Variants in EVPL observed in about 807,000 individuals in gnomAD.
EVPL encodes the protein 210 kDa cornified envelope precursor protein.
A neutral mutation model predicts 129.7 loss-of-function variants in EVPL; 94 were observed. The ratio of observed to expected loss-of-function variants is 0.72; its 90% CI spans 0.61 to 0.86. The LOEUF is 0.86. Among genes scored for constraint, EVPL ranks in the 40% least tolerant of loss-of-function variants. The probability of loss-of-function intolerance (pLI) is 0.00; values close to 1 mark genes in which losing one functional copy is unlikely to be tolerated. For synonymous variants in EVPL, 1,172 were observed against 1,191.1 expected, an observed-to-expected ratio of 0.98 and a Z score of 0.33; for missense variants, 2,625 against 2,721.1, an observed-to-expected ratio of 0.96 and a Z score of 0.79.
In EVPL at chr17:76,011,595, G is replaced by C; in HGVS notation, c.2642C>G (p.Ala881Gly). The change falls in exon 21 of 22, where the codon GCT (alanine) becomes GGT (glycine). Residue 881 changes from alanine to glycine, a missense_variant. Coordinates refer to ENST00000301607, the MANE Select transcript of EVPL (RefSeq NM_001988.4). ...GTGTACCTTCTCCAGCATTTTTCTA[G>C]CAAACTCCAGCTGCTGGAGCAGCTG... The part of the protein sequence containing the change: ...QQQLLQQLEF[A>G]RKMLEKKELS... 1 of 1,614,104 alleles carries C rather than the reference G, an allele frequency of 6.2e-7. No homozygotes were observed. Among genetic ancestry groups the C allele is most frequent in the South Asian group, 1.1e-5 (1 of 91,092 alleles).
rs1182080468 is a variant in EVPL at position 76,021,741 on chromosome 17, A to G, written c.848T>C (p.Val283Ala). Residue 283 changes from valine (V) to alanine (A), a missense_variant, in exon 8 of 22, where the codon GTG becomes GCG. By Grantham distance (64) the Val-to-Ala change is moderately conservative. This residue lies in a region of EVPL where 1,024 missense variants were observed against 997.5 expected (regional missense o/e 1.03). Transcript: ENST00000301607. ...CTCGCCGTCGTCCTCCAGCTGGTTCACGCTCTGCTCCTGGCTCAGCAGCTC... is the reference window on the plus strand; with the variant it reads ...CTCGCCGTCGTCCTCCAGCTGGTTCGCGCTCTGCTCCTGGCTCAGCAGCTC... ...QHELLSQEQSVNQLEDDGERM... is the reference protein window; with the variant it reads ...QHELLSQEQSANQLEDDGERM... The G allele has an allele frequency of 1.2e-6, 2 of 1,609,878 alleles. No individual in the cohort carries two copies. Among genetic ancestry groups the G allele is most frequent in the Non-Finnish European group, 8.5e-7 (1 of 1,179,446 alleles).
At chr17:76,015,428 G>C (rs774435404) in intron 15 of EVPL, 22 bp downstream of exon 15, 1 of 1,608,044 alleles carries the variant, frequency 6.2e-7, no homozygotes. Context: ...CTGCGTGGCT[G>C]CCCTGTCCCC....
intron 11 of EVPL, 148 bp downstream of exon 11, chr17:76,018,766 G>T: frequency 1.7e-6 from 2 of 1,200,670 alleles, no homozygotes; most frequent in Non-Finnish European, 2.3e-6. Flanking sequence ...AGGACTTGGA[G>T]AGAGGAGGGT....
Position 76,007,230 on chromosome 17 carries a change from C to T in EVPL, c.5975G>A (p.Ser1992Asn), listed in dbSNP as rs751653726. ...GCAGCGGCCCATGGCCTCCTTGTAGCTCAGCCGTTCCTTGGAGATGGGGTC... is the reference window on the plus strand; with the variant it reads ...GCAGCGGCCCATGGCCTCCTTGTAGTTCAGCCGTTCCTTGGAGATGGGGTC... The part of the protein sequence containing the change: ...LTDPISKERL[S>N]YKEAMGRCRK... The change falls in exon 22 of 22, where the codon AGC (serine) becomes AAC (asparagine). Residue 1992 changes from serine (S) to asparagine (N), a missense_variant. Physicochemically the swap from Ser to Asn is conservative, Grantham distance 46. Around this residue, in one of 4 missense-constraint regions of EVPL, gnomAD observed 1,453 missense variants for 1,511.8 expected, o/e 0.96. Transcript: ENST00000301607. The surrounding 1 kb of genome is among the most constrained non-coding windows in gnomAD (Gnocchi z 8.8). 6.4e-7 allele frequency: 1 copy of T among 1,567,848 alleles called. No individual in the cohort carries two copies.
Position 76,009,728 on chromosome 17 carries a change from G to T in EVPL, c.3477C>A (p.Leu1159=). The change falls in exon 22 of 22, where the codon CTC becomes CTA. Residue 1159 remains leucine (L), a synonymous_variant. Coordinates refer to ENST00000301607, the MANE Select transcript of EVPL (RefSeq NM_001988.4). The surrounding 1 kb of genome is among the most constrained non-coding windows in gnomAD (Gnocchi z 5.9). ...TCGCGTTCTTGGTCCTCTCCTCCTC[G>T]AGGAGGCTCCTCAGCCTGGAGGACT... ...LQESSRLRSL[L]EEERTKNATL... 1.2e-6 allele frequency: 2 copies of T among 1,613,516 alleles called. No individual in the cohort carries two copies. The highest frequency in any genetic ancestry group is 2.2e-5 in the East Asian group (1 of 44,862).
chr17:76,021,609 C>CCCGGG, intron 8 of EVPL, 46 bp from the exon 9 acceptor site: 3 of 1,283,894 alleles, frequency 2.3e-6, no homozygotes, highest in Non-Finnish European at 2.1e-6. Context: ...CCCCCCACGT[C>CCCGGG]CGCCCCACCT....
At chr17:76,011,153 C>G (rs987705222) in intron 21 of EVPL, among the ~76,000 whole-genome samples, 6 of 152,248 alleles carry the variant, frequency 3.9e-5, no homozygotes, top group South Asian at 2.1e-4. Context: ...ATCCAGGGAC[C>G]CTGACTGTGG....
rs1203993579 is a variant in EVPL at position 76,022,392 on chromosome 17, ACAT to A, written c.606+18_606+20del. On this transcript the variant is annotated intron_variant, in intron 5 of 21. Transcript: ENST00000301607. The surrounding 1 kb of genome is among the most constrained non-coding windows in gnomAD (Gnocchi z 5.6). The stretch of plus-strand genomic sequence containing the variant: ...CGGGCTGGGGCTGGCCCCGGATGTG[ACAT>A]CCTCCAGGCTCACCTACCGGCCCCA... The A allele has an allele frequency of 6.2e-7, 1 of 1,613,126 alleles. No homozygotes were observed. The highest frequency in any genetic ancestry group is 8.5e-7 in the Non-Finnish European group (1 of 1,179,816).
chr17:76,011,293 G>GC (rs2066374513), intron 21 of EVPL, among the ~76,000 whole-genome samples: 1 of 152,232 alleles, frequency 6.6e-6, no homozygotes, highest in Non-Finnish European at 1.5e-5. Context: ...CTGCTCTCTG[G>GC]GGTTAGAGGT....
chr17:76,007,936 G>A lies in EVPL; in HGVS notation c.5269C>T (p.Arg1757Cys), dbSNP rs775204446. The A allele has an allele frequency of 4.3e-6, 7 of 1,614,066 alleles. No homozygotes were observed. The highest frequency in any genetic ancestry group is 3.3e-5 in the Admixed American group (2 of 60,016). The change falls in exon 22 of 22, where the codon CGC becomes TGC. Residue 1757 changes from arginine (R) to cysteine (C), a missense_variant. Coordinates refer to ENST00000301607, the MANE Select transcript of EVPL (RefSeq NM_001988.4). The surrounding 1 kb of genome is among the most constrained non-coding windows in gnomAD (Gnocchi z 8.8). Reference sequence around the variant, plus strand: ...AGATGGTACTCCTCCTTAGAGATGCGCCGGCAGCGGAGGGCGGCCTCGATG... The same window carrying A: ...AGATGGTACTCCTCCTTAGAGATGCACCGGCAGCGGAGGGCGGCCTCGATG... Reference protein sequence around the residue: ...YSIEAALRCRRISKEEYHLYK... With the variant: ...YSIEAALRCRCISKEEYHLYK...
intron 14 of EVPL, among the ~76,000 whole-genome samples, chr17:76,016,208 G>A (rs748390474): frequency 1.3e-5 from 2 of 152,178 alleles, no homozygotes; most frequent in Admixed American, 6.5e-5. Flanking sequence ...CCTGTGTCCT[G>A]AGCTCAGCAG....
intron 2 of EVPL, among the ~76,000 whole-genome samples, 172 bp from the exon 3 acceptor site, chr17:76,023,826 C>T (rs531525235): frequency 1.3e-5 from 2 of 152,340 alleles, no homozygotes; most frequent in Admixed American, 6.5e-5. Context: ...GTGACAAGGA[C>T]ACAGGGGAGC....
chr17:76,018,622 A>G, intron 11 of EVPL, 22 bp from the exon 12 acceptor site: 1 of 1,585,816 alleles, frequency 6.3e-7, no homozygotes, highest in Non-Finnish European at 8.6e-7. Context: ...GAAAGGGAGC[A>G]GCTCCTGAGG....
Position 76,008,551 on chromosome 17 carries a change from C to T in EVPL, c.4654G>A (p.Ala1552Thr), listed in dbSNP as rs1310128566. The T allele has an allele frequency of 6.2e-7, 1 of 1,608,784 alleles. No homozygotes were observed. Residue 1552 changes from alanine (A) to threonine (T), a missense_variant, in exon 22 of 22, where the codon GCC (alanine) becomes ACC (threonine). This residue lies in a region of EVPL where 1,453 missense variants were observed against 1,511.8 expected (regional missense o/e 0.96). Transcript: ENST00000301607. The surrounding 1 kb of genome is among the most constrained non-coding windows in gnomAD (Gnocchi z 7.4). ...MLNRERTARQ[A>T]REEEARRLRE... The stretch of plus-strand genomic sequence containing the variant: ...AGGCGCCGTGCCTCCTCCTCCCGGG[C>T]CTGCCGGGCCGTGCGCTCCCTGTTG...
chr17:76,010,561 G>T lies in EVPL; in HGVS notation c.2662-18C>A. The stretch of plus-strand genomic sequence containing the variant: ...AGCTCCTTCTGCAGAGAGGAAGAAG[G>T]GTAGAGCACGGGGTGGGCGGTAGAG... On this transcript the variant is annotated intron_variant, in intron 21 of 21. Transcript: ENST00000301607. 1 of 1,598,950 alleles carries T rather than the reference G, an allele frequency of 6.3e-7. No individual in the cohort carries two copies.
Position 76,009,514 on chromosome 17 carries a change from C to G in EVPL, c.3691G>C (p.Val1231Leu). 1 of 1,614,074 alleles carries G rather than the reference C, an allele frequency of 6.2e-7. No homozygotes were observed. The highest frequency in any genetic ancestry group is 1.3e-5 in the African/African-American group (1 of 75,048). Reference sequence around the variant, plus strand: ...TCCAGGTCGGGCAGCAGCTTCTCCACCTCCTTCTCCACACCGCTCCTCTTG... The same window carrying G: ...TCCAGGTCGGGCAGCAGCTTCTCCAGCTCCTTCTCCACACCGCTCCTCTTG... The part of the protein sequence containing the change: ...AGKRSGVEKE[V>L]EKLLPDLEVL... Residue 1231 changes from valine (V) to leucine (L), a missense_variant, in exon 22 of 22, where the codon GTG becomes CTG. Val to Leu is a conservative substitution (Grantham distance 32). Transcript: ENST00000301607. This position sits in a 1 kb window ranked among gnomAD's most constrained non-coding sequence, Gnocchi z 5.9.
intron 11 of EVPL, 138 bp downstream of exon 11, chr17:76,018,776 T>C: frequency 8.2e-7 from 1 of 1,221,246 alleles, no homozygotes; most frequent in South Asian, 1.6e-5. Flanking sequence ...GAGAGGAGGG[T>C]CTGAGTCAAG....
rs1238732782 is a variant in EVPL at position 76,010,259 on chromosome 17, C to T, written c.2946G>A (p.Glu982=). Residue 982 remains glutamate (E), a synonymous_variant, in exon 22 of 22, where the codon GAG becomes GAA. Transcript: ENST00000301607. ...CCTGCAGGCCAGCCCGCCGCTTGCC[C>T]TCCTCCTCCACCTGGGCCTTCACCC... is the stretch of plus-strand genomic sequence containing the variant. ...LSRVKAQVEE[E]GKRRAGLQAD... 1 of 1,613,878 alleles carries T rather than the reference C, an allele frequency of 6.2e-7. No individual in the cohort carries two copies. Among genetic ancestry groups the T allele is most frequent in the East Asian group, 2.2e-5 (1 of 44,886 alleles).
rs1384715252 is a variant in EVPL, at chr17:76,027,116, G to C, written c.83C>G (p.Pro28Arg). The C allele has an allele frequency of 2.0e-6, 3 of 1,502,572 alleles. No homozygotes were observed. In the African/African-American group the frequency reaches 4.3e-5, roughly 21 times the overall value. 93.1% of individuals were successfully genotyped at this position (1,502,572 alleles called of 1,614,324 possible). A position where few individuals can be genotyped will look rare whatever the true frequency, so the allele number is the denominator to read the frequency against. The change falls in exon 1 of 22, where the codon CCC (proline) becomes CGC (arginine). Residue 28 changes from proline (P) to arginine (R), a missense_variant. By Grantham distance (103) the Pro-to-Arg change is moderately radical. Around this residue, in one of 4 missense-constraint regions of EVPL, gnomAD observed 139 missense variants for 186.8 expected, o/e 0.74. Transcript: ENST00000301607. The stretch of plus-strand genomic sequence containing the variant: ...TCCCACTTACCGGCTGTGCCTGCTG[G>C]GGGAGCCTTTGGGGGACCCCTTGGC... ...SPAKGSPKGS[P>R]SRHSRAATQE...
Sources: gnomAD v4.1 joint callset for allele counts (sites outside exome capture counted in the v4.1 genomes callset) on GRCh38, gnomAD v4.1.1 for gene constraint, gnomAD v4.1.1 regional missense constraint, Gnocchi (gnomAD v3.1) non-coding constraint, MANE v1.5 for transcripts, NCBI Gene and HGNC (gene_info 2026-07-23, HGNC 2026-07-21) for gene names.